Variants in PTPRM observed in about 807,000 individuals in gnomAD.
PTPRM encodes the protein protein tyrosine phosphatase receptor type M, also known as receptor-type tyrosine-protein phosphatase mu.
PTPRM carries 47 observed loss-of-function variants against 186.7 expected under a neutral mutation model. The ratio of observed to expected loss-of-function variants is 0.25; its 90% CI spans 0.20 to 0.32. PTPRM has a LOEUF of 0.32. PTPRM is among the 10% of genes least tolerant of loss of function. PTPRM has a pLI of 1.00. For synonymous variants in PTPRM, 668 were observed against 674.9 expected, an observed-to-expected ratio of 0.99 and a Z score of 0.16; for missense variants, 1,494 against 1,865.0, an observed-to-expected ratio of 0.80 and a Z score of 3.66.
At chr18:8,253,859 CA>C (rs2094551692) in intron 19 of PTPRM, among the ~76,000 whole-genome samples, 1 of 152,204 alleles carries the variant, frequency 6.6e-6, no homozygotes, top group South Asian at 2.1e-4. Context: ...CCTTATTCTG[CA>C]CAAATACACA....
chr18:8,162,639 G>A (rs2093252345), intron 14 of PTPRM, among the ~76,000 whole-genome samples: 1 of 152,182 alleles, frequency 6.6e-6, no homozygotes, highest in East Asian at 1.9e-4. Flanking sequence ...GATCATCTAA[G>A]AACAAGGCTG....
At chr18:7,706,209 G>A (rs866953536) in intron 1 of PTPRM, among the ~76,000 whole-genome samples, 1 of 151,932 alleles carries the variant, frequency 6.6e-6, no homozygotes, top group African/African-American at 2.4e-5. Flanking sequence ...ACGCATGAGA[G>A]TGTTAGAAGT....
chr18:7,595,713 A>G (rs971539449), intron 1 of PTPRM, among the ~76,000 whole-genome samples: 6 of 152,244 alleles, frequency 3.9e-5, no homozygotes, highest in Non-Finnish European at 8.8e-5. Flanking sequence ...ACTATCAGCA[A>G]TAGATGATGA....
chr18:7,582,502 G>A (rs1343449015), intron 1 of PTPRM, among the ~76,000 whole-genome samples: 2 of 152,192 alleles, frequency 1.3e-5, no homozygotes, highest in Non-Finnish European at 2.9e-5. Context: ...CTAGAATCAA[G>A]GGTGGGGAAA....
intron 2 of PTPRM, among the ~76,000 whole-genome samples, chr18:7,808,060 C>A (rs2044323617): frequency 6.6e-6 from 1 of 152,166 alleles, no homozygotes; most frequent in South Asian, 2.1e-4. Context: ...ATTCATAACA[C>A]ACTGAACCCT....
At chr18:7,667,808 C>T (rs1416814060) in intron 1 of PTPRM, among the ~76,000 whole-genome samples, 3 of 151,968 alleles carry the variant, frequency 2.0e-5, no homozygotes, top group Non-Finnish European at 4.4e-5. Flanking sequence ...ATAATGAGGG[C>T]AGAAAGTTGC....
At chr18:8,247,111 T>C (rs1233937875) in intron 15 of PTPRM, among the ~76,000 whole-genome samples, 4 of 152,304 alleles carry the variant, frequency 2.6e-5, no homozygotes, top group South Asian at 4.1e-4. Flanking sequence ...GAAGAGGTTT[T>C]TTTTTACTTA....
At chr18:7,910,774 C>T (rs541656005) in intron 4 of PTPRM, among the ~76,000 whole-genome samples, 24 of 152,254 alleles carry the variant, frequency 1.6e-4, no homozygotes, top group African/African-American at 4.8e-4. Flanking sequence ...TCATCTGCCA[C>T]CCAGAAAAAG....
intron 1 of PTPRM, among the ~76,000 whole-genome samples, chr18:7,737,522 C>G (rs1281372266): frequency 6.6e-6 from 1 of 152,184 alleles, no homozygotes; most frequent in Non-Finnish European, 1.5e-5. Context: ...GTAGTTTGTT[C>G]CCATAGATTA....
intron 14 of PTPRM, among the ~76,000 whole-genome samples, chr18:8,217,029 C>T (rs1323741980): frequency 1.3e-5 from 2 of 152,090 alleles, no homozygotes; most frequent in Non-Finnish European, 1.5e-5. Context: ...ATTTTGAAAC[C>T]CTCTTCCCTA....
At chr18:7,787,348 G>T (rs1456146970) in intron 2 of PTPRM, among the ~76,000 whole-genome samples, 1 of 152,228 alleles carries the variant, frequency 6.6e-6, no homozygotes, top group Non-Finnish European at 1.5e-5. Context: ...AGCCCCTGTG[G>T]TTGTCAGCGT....
chr18:8,304,902 C>T (rs2095204687), intron 20 of PTPRM, among the ~76,000 whole-genome samples: 1 of 150,076 alleles, frequency 6.7e-6, no homozygotes, highest in Non-Finnish European at 1.5e-5. Flanking sequence ...TAATATAAAC[C>T]TTGTGGACCA....
At chr18:8,275,879 C>G (rs1026697081) in intron 19 of PTPRM, among the ~76,000 whole-genome samples, 4 of 152,160 alleles carry the variant, frequency 2.6e-5, no homozygotes, top group Non-Finnish European at 5.9e-5. Flanking sequence ...TTATTCACTT[C>G]CCTGTGCTTA....
intron 13 of PTPRM, among the ~76,000 whole-genome samples, chr18:8,117,630 C>T (rs1438036686): frequency 1.3e-5 from 2 of 152,120 alleles, no homozygotes; most frequent in African/African-American, 4.8e-5. Context: ...TTATATATCT[C>T]CATACGTGTG....
chr18:8,244,872 A>T (rs1411079840), intron 15 of PTPRM, among the ~76,000 whole-genome samples: 1 of 152,088 alleles, frequency 6.6e-6, no homozygotes, highest in Non-Finnish European at 1.5e-5. Context: ...AGAGGGAGAT[A>T]CCTCACTCTG....
chr18:7,924,160 C>A (rs2051034507), intron 4 of PTPRM, among the ~76,000 whole-genome samples: 1 of 152,190 alleles, frequency 6.6e-6, no homozygotes, highest in African/African-American at 2.4e-5. Context: ...CACGGTTACT[C>A]CCTGGAGCAG....
chr18:7,980,919 T>G (rs1210287929), intron 7 of PTPRM, among the ~76,000 whole-genome samples: 1 of 152,186 alleles, frequency 6.6e-6, no homozygotes, highest in Non-Finnish European at 1.5e-5. Context: ...TTGCTTACTG[T>G]GCCTGAGTTG....
chr18:7,653,510 C>T (rs1250181402), intron 1 of PTPRM, among the ~76,000 whole-genome samples: 2 of 152,052 alleles, frequency 1.3e-5, no homozygotes, highest in South Asian at 4.1e-4. Flanking sequence ...TGTGTTGTTC[C>T]CCTCTTTGTG....
At chr18:7,656,709 G>A (rs1254703431) in intron 1 of PTPRM, among the ~76,000 whole-genome samples, 1 of 152,066 alleles carries the variant, frequency 6.6e-6, no homozygotes, top group Non-Finnish European at 1.5e-5. Flanking sequence ...AATATGTGAC[G>A]TGCATTTGAC....
Sources: gnomAD v4.1 joint callset for allele counts (sites outside exome capture counted in the v4.1 genomes callset) on GRCh38, gnomAD v4.1.1 for gene constraint, MANE v1.5 for transcripts, NCBI Gene and HGNC (gene_info 2026-07-23, HGNC 2026-07-21) for gene names.